The following ZAR1L variants were observed in gnomAD, a reference collection of about 807,000 sequenced individuals.
ZAR1L encodes zygote arrest 1 like.
A neutral mutation model predicts 30.0 loss-of-function variants in ZAR1L; 16 were observed. That is an observed-to-expected ratio of 0.53 (90% CI 0.36 to 0.81). The LOEUF is 0.81. Among genes scored for constraint, ZAR1L ranks in the 30% least tolerant of loss-of-function variants. The pLI is 0.00. For missense variants in ZAR1L, 392 were observed against 417.2 expected (o/e 0.94, Z 0.53); for synonymous variants, 197 against 166.8 (o/e 1.18, Z -1.40).
intron 5 of ZAR1L, among the ~76,000 whole-genome samples, chr13:32,305,012 T>C (rs1171177673): frequency 1.3e-5 from 2 of 152,066 alleles, no homozygotes; most frequent in East Asian, 1.9e-4. Flanking sequence ...GGTTTCACCA[T>C]GTTGGCCACA....
At chr13:32,309,618 C>T (rs2072199088) in intron 4 of ZAR1L, among the ~76,000 whole-genome samples, 1 of 152,176 alleles carries the variant, frequency 6.6e-6, no homozygotes, top group African/African-American at 2.4e-5. Flanking sequence ...AGAGCTAATA[C>T]CCTCCTTCCT....
intron 5 of ZAR1L, among the ~76,000 whole-genome samples, chr13:32,305,897 T>TCA (rs2072171116): frequency 6.6e-6 from 1 of 152,222 alleles, no homozygotes; most frequent in Non-Finnish European, 1.5e-5. Flanking sequence ...AACCAGGTAC[T>TCA]GTATGTGAGG....
intron 2 of ZAR1L, among the ~76,000 whole-genome samples, chr13:32,313,936 A>T (rs1196853583): frequency 6.6e-6 from 1 of 152,200 alleles, no homozygotes; most frequent in Non-Finnish European, 1.5e-5. Flanking sequence ...CAAAAAGGGG[A>T]CAAAGCATAT....
intron 3 of ZAR1L, 45 bp downstream of exon 3, chr13:32,311,227 G>T: frequency 6.7e-7 from 1 of 1,494,502 alleles, no homozygotes; most frequent in Non-Finnish European, 8.9e-7. Context: ...AGGAGGGAGG[G>T]GATGAGGCTG....
chr13:32,308,953 C>T (rs2072194390), intron 4 of ZAR1L, among the ~76,000 whole-genome samples, 193 bp from the exon 5 acceptor site: 1 of 148,650 alleles, frequency 6.7e-6, no homozygotes, highest in South Asian at 2.1e-4. Context: ...ATCACTTTTT[C>T]TTTGAATCTA....
At chr13:32,313,997 T>A (rs1444084210) in intron 2 of ZAR1L, among the ~76,000 whole-genome samples, 3 of 152,188 alleles carry the variant, frequency 2.0e-5, no homozygotes, top group African/African-American at 7.2e-5. Flanking sequence ...GTGTATGAAG[T>A]CAAATGGACT....
intron 5 of ZAR1L, among the ~76,000 whole-genome samples, chr13:32,307,787 G>A (rs905325569): frequency 5.3e-5 from 8 of 151,900 alleles, no homozygotes; most frequent in African/African-American, 9.7e-5. Context: ...GCTAGTTTTC[G>A]AAATGTCAAT....
At chr13:32,306,150 T>C (rs2072173271) in intron 5 of ZAR1L, among the ~76,000 whole-genome samples, 1 of 152,122 alleles carries the variant, frequency 6.6e-6, no homozygotes. Context: ...TAAAAAGAGC[T>C]GAGATGAGAA....
intron 5 of ZAR1L, 98 bp from the exon 6 acceptor site, chr13:32,304,120 T>C: frequency 3.9e-6 from 5 of 1,296,534 alleles, no homozygotes; most frequent in Non-Finnish European, 5.1e-6. Context: ...ACCCTATCCC[T>C]GAAACCTTCA....
At chr13:32,313,254 C>T (rs1367016084) in intron 2 of ZAR1L, among the ~76,000 whole-genome samples, 3 of 152,198 alleles carry the variant, frequency 2.0e-5, no homozygotes, top group African/African-American at 7.2e-5. Flanking sequence ...ATTATGTGAA[C>T]AGATGGATAT....
intron 2 of ZAR1L, 39 bp from the exon 3 acceptor site, chr13:32,312,132 T>G (rs915899489): frequency 1.7e-6 from 1 of 575,778 alleles, no homozygotes; most frequent in African/African-American, 1.9e-5. Flanking sequence ...AGATGTCTAA[T>G]TGCCACCTGA....
chr13:32,311,304 C>T lies in ZAR1L; in HGVS notation c.622G>A (p.Ala208Thr), dbSNP rs768317450. Residue 208 changes from alanine (A) to threonine (T), a missense_variant, in exon 3 of 6, where the codon GCC becomes ACC. Ala to Thr is a moderately conservative substitution (Grantham distance 58). Coordinates refer to ENST00000533490, the MANE Select transcript of ZAR1L (RefSeq NM_001136571.2). ...TKSKQVPGDA[A>T]SEPLRRPNFQ... ...TTGGGCCTCCGGAGCGGCTCGGAGG[C>T]GGCGTCTCCAGGCACCTGCTTGCTC... The T allele has an allele frequency of 6.5e-7, 1 of 1,547,626 alleles. No individual in the cohort carries two copies. Among genetic ancestry groups the T allele is most frequent in the Non-Finnish European group, 8.7e-7 (1 of 1,145,752 alleles).
intron 5 of ZAR1L, among the ~76,000 whole-genome samples, chr13:32,306,930 CAA>C (rs369500221): frequency 1.2e-3 from 70 of 59,072 alleles, no homozygotes; most frequent in South Asian, 4.0e-3. Context: ...GACTCTATCT[CAA>C]AAAAAAAAAA....
intron 4 of ZAR1L, among the ~76,000 whole-genome samples, chr13:32,309,420 A>AGTTTAAATGAAACTGAAAAAT (rs2072198143): frequency 6.6e-6 from 1 of 152,132 alleles, no homozygotes; most frequent in Non-Finnish European, 1.5e-5. Flanking sequence ...TTTAGCTCTT[A>AGTTTAAATGAAACTGAAAAAT]CATGTTTCAT....
At chr13:32,313,826 T>A (rs936202325) in intron 2 of ZAR1L, among the ~76,000 whole-genome samples, 1 of 152,152 alleles carries the variant, frequency 6.6e-6, no homozygotes, top group African/African-American at 2.4e-5. Flanking sequence ...CATAAAGGTA[T>A]GGGGGGCTGT....
At chr13:32,309,337 C>T (rs1227578300) in intron 4 of ZAR1L, among the ~76,000 whole-genome samples, 3 of 152,108 alleles carry the variant, frequency 2.0e-5, no homozygotes, top group South Asian at 4.1e-4. Context: ...TCTGAGAACT[C>T]CCTAATAATG....
In ZAR1L at chr13:32,312,096, G is replaced by C; in HGVS notation, c.-168-3C>G. On this transcript the variant is annotated splice_region_variant and splice_polypyrimidine_tract_variant and intron_variant, in intron 2 of 5. Coordinates refer to ENST00000533490, the MANE Select transcript of ZAR1L (RefSeq NM_001136571.2). ...AATGGGAGCTGCTGCTTATTACCCT[G>C]ATTGAGGGAGAGAAGCTCTATCTAC... The C allele has an allele frequency of 1.3e-6, 1 of 767,814 alleles. No individual in the cohort carries two copies. Among genetic ancestry groups the C allele is most frequent in the Non-Finnish European group, 2.0e-6 (1 of 500,912 alleles). 47.6% of individuals were successfully genotyped at this position (767,814 alleles called of 1,614,324 possible). A position where few individuals can be genotyped will look rare whatever the true frequency, so the allele number is the denominator to read the frequency against.
chr13:32,308,402 A>T (rs1003895035), intron 5 of ZAR1L, among the ~76,000 whole-genome samples: 2 of 152,264 alleles, frequency 1.3e-5, no homozygotes, highest in Non-Finnish European at 2.9e-5. Flanking sequence ...TAAAAAATTA[A>T]CAGCAGTCAC....
chr13:32,309,811 G>C (rs2072200043), intron 4 of ZAR1L, among the ~76,000 whole-genome samples: 1 of 152,232 alleles, frequency 6.6e-6, no homozygotes, highest in African/African-American at 2.4e-5. Flanking sequence ...GCAAGAGAAG[G>C]AAGTAAATTC....
Sources: allele counts gnomAD v4.1 joint callset (sites outside exome capture counted in the v4.1 genomes callset), GRCh38; gene constraint gnomAD v4.1.1; transcripts MANE v1.5; gene names NCBI Gene and HGNC (gene_info 2026-07-23, HGNC 2026-07-21).